The following CADM1 variants were observed in gnomAD, a reference collection of about 807,000 sequenced individuals.
CADM1 encodes the protein cell adhesion molecule 1.
CADM1 carries 15 observed loss-of-function variants against 53.1 expected under a neutral mutation model. The observed-to-expected ratio is 0.28, with a 90% CI of 0.19 to 0.44. The LOEUF is 0.44. Among genes scored for constraint, CADM1 ranks in the 20% least tolerant of loss-of-function variants. The probability of loss-of-function intolerance (pLI) is 1.00; values close to 1 mark genes in which losing one functional copy is unlikely to be tolerated. For synonymous variants in CADM1, 281 were observed against 243.0 expected (o/e 1.16, Z -1.45); for missense variants, 434 against 611.3 (o/e 0.71, Z 3.06).
intron 1 of CADM1, among the ~76,000 whole-genome samples, chr11:115,403,551 AT>A (rs370162116): frequency 0.013 from 1,886 of 149,550 alleles, 43 homozygotes; most frequent in African/African-American, 0.042. Flanking sequence ...TGTTTTTGCA[AT>A]TTTTTTTTTG....
intron 1 of CADM1, among the ~76,000 whole-genome samples, chr11:115,357,167 CT>C (rs1456134562): frequency 4.6e-5 from 7 of 152,244 alleles, no homozygotes; most frequent in African/African-American, 1.7e-4. Flanking sequence ...GGAACCCCAG[CT>C]AGATGTGCTG....
intron 1 of CADM1, among the ~76,000 whole-genome samples, chr11:115,447,466 A>G (rs887224377): frequency 5.3e-5 from 8 of 152,052 alleles, no homozygotes; most frequent in Non-Finnish European, 1.2e-4. Flanking sequence ...CTTCAAAATC[A>G]CCCTTTTTGT....
chr11:115,210,851 C>T (rs1024568869), intron 7 of CADM1, among the ~76,000 whole-genome samples: 1 of 152,132 alleles, frequency 6.6e-6, no homozygotes. Context: ...TATCTACCAT[C>T]GATCAACAAT....
intron 1 of CADM1, among the ~76,000 whole-genome samples, chr11:115,275,387 C>G (rs1943416700): frequency 6.6e-6 from 1 of 152,192 alleles, no homozygotes; most frequent in Non-Finnish European, 1.5e-5. Flanking sequence ...CCTGCCCTTC[C>G]CCATCTTAGG....
At chr11:115,199,309 G>T (rs1940311122) in intron 8 of CADM1, among the ~76,000 whole-genome samples, 1 of 152,230 alleles carries the variant, frequency 6.6e-6, no homozygotes, top group African/African-American at 2.4e-5. Context: ...GAGGGGCTGG[G>T]AGTCCTGCTT....
At chr11:115,201,132 C>T (rs1940402603) in intron 8 of CADM1, among the ~76,000 whole-genome samples, 1 of 152,160 alleles carries the variant, frequency 6.6e-6, no homozygotes, top group Non-Finnish European at 1.5e-5. Flanking sequence ...AAATGGTTAA[C>T]AGCAAACACA....
intron 1 of CADM1, among the ~76,000 whole-genome samples, chr11:115,283,349 G>A (rs1232020553): frequency 2.6e-5 from 4 of 152,130 alleles, no homozygotes; most frequent in Non-Finnish European, 5.9e-5. Flanking sequence ...AGAACCCAGG[G>A]CCAGAAGACA....
chr11:115,215,891 T>TGAAC (rs1349720748), intron 6 of CADM1, among the ~76,000 whole-genome samples: 2 of 152,248 alleles, frequency 1.3e-5, no homozygotes, highest in Non-Finnish European at 2.9e-5. Flanking sequence ...TGCTTAATGA[T>TGAAC]GAACGGATCC....
chr11:115,203,046 C>G (rs1029956684), intron 8 of CADM1, among the ~76,000 whole-genome samples: 1 of 151,974 alleles, frequency 6.6e-6, no homozygotes, highest in African/African-American at 2.4e-5. Flanking sequence ...AACTAAAAGG[C>G]CAAAATAGGA....
chr11:115,279,248 C>T (rs554254046), intron 1 of CADM1, among the ~76,000 whole-genome samples: 5 of 152,254 alleles, frequency 3.3e-5, no homozygotes, highest in African/African-American at 9.6e-5. Flanking sequence ...ATTAAGTAGA[C>T]GTTTCAAGGT....
chr11:115,214,787 G>A lies in CADM1; in HGVS notation c.822-7C>T. The A allele has an allele frequency of 6.2e-7, 1 of 1,613,560 alleles. No homozygotes were observed. The highest frequency in any genetic ancestry group is 8.5e-7 in the Non-Finnish European group (1 of 1,179,742). ...CCAAGTTACCATCACAGGCCTGCAG[G>A]GGGAAGGGGAGGAAGACAAGTCACA... On this transcript the variant is annotated splice_region_variant and splice_polypyrimidine_tract_variant and intron_variant, in intron 6 of 11. Coordinates refer to ENST00000331581, the MANE Select transcript of CADM1 (RefSeq NM_001301043.2).
intron 6 of CADM1, among the ~76,000 whole-genome samples, chr11:115,216,595 C>G (rs187375365): frequency 6.6e-6 from 1 of 152,304 alleles, no homozygotes; most frequent in East Asian, 1.9e-4. Flanking sequence ...AAAGATCACT[C>G]TGCTGAAGCT....
chr11:115,308,508 T>A (rs977763425), intron 1 of CADM1, among the ~76,000 whole-genome samples: 3 of 152,006 alleles, frequency 2.0e-5, no homozygotes, highest in Non-Finnish European at 4.4e-5. Flanking sequence ...CAAGATAATT[T>A]CCATTTCATG....
intron 1 of CADM1, among the ~76,000 whole-genome samples, chr11:115,359,270 C>T (rs1456794113): frequency 1.3e-5 from 2 of 152,212 alleles, no homozygotes; most frequent in South Asian, 4.2e-4. Flanking sequence ...AGGGAAAGGA[C>T]AACTATTCCC....
In CADM1 at chr11:115,171,630, C is replaced by A. The variant is rs1394089750; in HGVS notation, c.*4844G>T. ...CTTCTAGCACCTTCTCATTTGCATA[C>A]CCTGTGGAGCTCAAAAGGCAAATGT... On this transcript the variant is annotated 3_prime_UTR_variant, in exon 12 of 12. Transcript: ENST00000331581. 1 of 152,178 alleles carries A rather than the reference C, an allele frequency of 6.6e-6. No homozygotes were observed. The highest frequency in any genetic ancestry group is 1.5e-5 in the Non-Finnish European group (1 of 68,046). 9.4% of individuals were successfully genotyped at this position (152,178 alleles called of 1,614,324 possible). A position where few individuals can be genotyped will look rare whatever the true frequency, so the allele number is the denominator to read the frequency against.
chr11:115,186,551 C>T (rs186392820), intron 10 of CADM1, among the ~76,000 whole-genome samples: 65 of 152,320 alleles, frequency 4.3e-4, no homozygotes, highest in Non-Finnish European at 2.1e-4. Context: ...CCTCTATTTC[C>T]TCTAGAGCCA....
At chr11:115,385,633 GAAA>G (rs3045733) in intron 1 of CADM1, among the ~76,000 whole-genome samples, 1 of 111,480 alleles carries the variant, frequency 9.0e-6, no homozygotes, top group African/African-American at 3.6e-5. Flanking sequence ...AAGGATTAAA[GAAA>G]AAAAAAAAAA....
At chr11:115,466,151 C>A (rs1026532948) in intron 1 of CADM1, among the ~76,000 whole-genome samples, 1 of 152,134 alleles carries the variant, frequency 6.6e-6, no homozygotes, top group Non-Finnish European at 1.5e-5. Flanking sequence ...CTGTGGCACC[C>A]CAAAATCAAA....
chr11:115,416,482 T>A (rs1043933426), intron 1 of CADM1, among the ~76,000 whole-genome samples: 1 of 152,076 alleles, frequency 6.6e-6, no homozygotes, highest in Non-Finnish European at 1.5e-5. Context: ...ACTCTCCTTA[T>A]CAGTATTTAA....
Sources: allele counts gnomAD v4.1 joint callset (sites outside exome capture counted in the v4.1 genomes callset), GRCh38; gene constraint gnomAD v4.1.1; transcripts MANE v1.5; gene names NCBI Gene and HGNC (gene_info 2026-07-23, HGNC 2026-07-21).